The following FBXL17 variants were observed in gnomAD, a reference collection of about 807,000 sequenced individuals.
FBXL17 encodes the protein F-box and leucine rich repeat protein 17.
FBXL17 carries 22 observed loss-of-function variants against 66.2 expected under a neutral mutation model. The ratio of observed to expected loss-of-function variants is 0.33; its 90% CI spans 0.24 to 0.47. The LOEUF is 0.47. Ranked by LOEUF, FBXL17 falls within the 20% of genes least tolerant of loss-of-function variation. The pLI is 1.00. For synonymous variants in FBXL17, 474 were observed against 400.5 expected (o/e 1.18, Z -2.19); for missense variants, 878 against 948.2 (o/e 0.93, Z 0.97).
intron 6 of FBXL17, among the ~76,000 whole-genome samples, chr5:108,146,921 T>A (rs1751583466): frequency 6.6e-6 from 1 of 152,164 alleles, no homozygotes; most frequent in Non-Finnish European, 1.5e-5. Flanking sequence ...TAGAAACTTA[T>A]TTCTCACAGT....
At chr5:108,039,646 A>T (rs1442166466) in intron 6 of FBXL17, among the ~76,000 whole-genome samples, 1 of 152,178 alleles carries the variant, frequency 6.6e-6, no homozygotes, top group Non-Finnish European at 1.5e-5. Flanking sequence ...TAAAATTATC[A>T]GTTTTCATAG....
At chr5:107,876,686 C>A (rs1182795693) in intron 8 of FBXL17, among the ~76,000 whole-genome samples, 1 of 152,174 alleles carries the variant, frequency 6.6e-6, no homozygotes, top group Non-Finnish European at 1.5e-5. Flanking sequence ...CACTGCATTT[C>A]CATTTGCCCT....
chr5:108,158,532 T>C (rs1580531035), intron 6 of FBXL17, among the ~76,000 whole-genome samples: 1 of 151,422 alleles, frequency 6.6e-6, no homozygotes, highest in Non-Finnish European at 1.5e-5. Context: ...TGTGTGTGTG[T>C]GCATCCACAT....
At chr5:108,056,441 T>G (rs1420707116) in intron 6 of FBXL17, among the ~76,000 whole-genome samples, 2 of 152,218 alleles carry the variant, frequency 1.3e-5, no homozygotes, top group Non-Finnish European at 2.9e-5. Context: ...TCCCTTTCTG[T>G]GATTGGTTAT....
At chr5:108,254,655 G>C (rs1379185520) in intron 4 of FBXL17, among the ~76,000 whole-genome samples, 1 of 152,156 alleles carries the variant, frequency 6.6e-6, no homozygotes, top group Non-Finnish European at 1.5e-5. Context: ...TGTATTGCAA[G>C]GATGCTACAA....
rs143752270 is a variant in FBXL17 at position 108,112,752 on chromosome 5, G to A, written c.1745+73365C>T. 3.1e-3 allele frequency among the ~76,000 whole-genome samples: 474 copies of A among 150,988 alleles called. 3 individuals are homozygous for A. Among genetic ancestry groups the A allele is most frequent in the African/African-American group, 0.011 (458 of 41,424 alleles). ...CATGATCAAGAGTGAAATGAAAGTT[G>A]TAAAAAGATCCAAATCAAACTTCTA... On this transcript the variant is annotated intron_variant, in intron 6 of 8. Coordinates refer to ENST00000542267, the MANE Select transcript of FBXL17 (RefSeq NM_001163315.3).
intron 6 of FBXL17, among the ~76,000 whole-genome samples, chr5:108,167,509 A>G (rs972459542): frequency 6.6e-6 from 1 of 152,208 alleles, no homozygotes; most frequent in Non-Finnish European, 1.5e-5. Context: ...AAACAAAAAC[A>G]TAAAGGACTT....
chr5:108,378,849 G>C (rs1749634971), intron 1 of FBXL17, among the ~76,000 whole-genome samples: 1 of 152,176 alleles, frequency 6.6e-6, no homozygotes, highest in South Asian at 2.1e-4. Flanking sequence ...CCAAAAACTG[G>C]GGTTGGCAGA....
rs369447350 is a variant in FBXL17, at chr5:107,873,422, T to C, written c.1965+7615A>G. Among the ~76,000 whole-genome samples the C allele has an allele frequency of 4.6e-5, 7 of 152,178 alleles. No homozygotes were observed. In the East Asian group the frequency reaches 5.8e-4, roughly 13 times the overall value. ...GATATTTCTTGAAAAAATAAACTATTAATAAAATATATGATAAAAATTGGA... is the reference window on the plus strand; with the variant it reads ...GATATTTCTTGAAAAAATAAACTATCAATAAAATATATGATAAAAATTGGA... On this transcript the variant is annotated intron_variant, in intron 8 of 8. Transcript: ENST00000542267.
At chr5:108,322,558 C>A (rs866341898) in intron 4 of FBXL17, among the ~76,000 whole-genome samples, 2 of 151,744 alleles carry the variant, frequency 1.3e-5, no homozygotes, top group Admixed American at 6.6e-5. Context: ...ACATAGAGAG[C>A]AGTGGAGAAG....
intron 6 of FBXL17, among the ~76,000 whole-genome samples, chr5:108,105,353 G>C (rs1561412164): frequency 2.6e-5 from 4 of 152,312 alleles, no homozygotes; most frequent in Non-Finnish European, 5.9e-5. Context: ...GTGAAAGATT[G>C]TAATTGTGTC....
chr5:108,102,241 G>A (rs967900222), intron 6 of FBXL17, among the ~76,000 whole-genome samples: 1 of 152,114 alleles, frequency 6.6e-6, no homozygotes, highest in African/African-American at 2.4e-5. Flanking sequence ...AAGTGACTTA[G>A]CACTATTTTT....
At chr5:107,943,969 A>G (rs1407929340) in intron 7 of FBXL17, among the ~76,000 whole-genome samples, 1 of 152,160 alleles carries the variant, frequency 6.6e-6, no homozygotes, top group Non-Finnish European at 1.5e-5. Context: ...TAAACCCCTG[A>G]TCTTGAAGGT....
chr5:108,352,343 G>C (rs1747706087), intron 3 of FBXL17, among the ~76,000 whole-genome samples: 1 of 152,132 alleles, frequency 6.6e-6, no homozygotes, highest in African/African-American at 2.4e-5. Context: ...TTTACAATTT[G>C]GCTGACAGTC....
chr5:108,364,686 A>C, intron 3 of FBXL17, 52 bp downstream of exon 3: 1 of 1,426,310 alleles, frequency 7.0e-7, no homozygotes, highest in Non-Finnish European at 9.7e-7. Context: ...TGTTGCTAGA[A>C]AACATTTTTA....
intron 7 of FBXL17, among the ~76,000 whole-genome samples, chr5:107,883,021 G>A (rs768287493): frequency 4.6e-5 from 7 of 152,104 alleles, no homozygotes; most frequent in Non-Finnish European, 1.0e-4. Flanking sequence ...CTTTTCTTTT[G>A]ACTTACTACT....
At position 108,154,667 on chromosome 5, in the gene FBXL17, ATATG is replaced by A. The variant is rs1306606790; in HGVS notation, c.1745+31446_1745+31449del. 6.9e-5 allele frequency among the ~76,000 whole-genome samples: 10 copies of A among 144,568 alleles called. No individual in the cohort carries two copies. The East Asian group carries it at 1.8e-3, about 26-fold the overall frequency. The allele number at this position is 144,568 out of a possible 152,430, so 94.8% of individuals were successfully genotyped here. A position where few individuals can be genotyped will look rare whatever the true frequency, so the allele number is the denominator to read the frequency against. On this transcript the variant is annotated intron_variant, in intron 6 of 8. Coordinates refer to ENST00000542267, the MANE Select transcript of FBXL17 (RefSeq NM_001163315.3). ...CACACACATATATGTATATACATATATATGTGTATATATATACACATATATATGT... is the reference window on the plus strand; with the variant it reads ...CACACACATATATGTATATACATATATGTATATATATACACATATATATGT...
chr5:107,945,587 T>A (rs1008743186), intron 7 of FBXL17, among the ~76,000 whole-genome samples: 1 of 152,004 alleles, frequency 6.6e-6, no homozygotes, highest in Non-Finnish European at 1.5e-5. Context: ...AAAAGCATAA[T>A]GCCAAGAAAC....
intron 4 of FBXL17, among the ~76,000 whole-genome samples, chr5:108,284,216 A>G (rs1322510498): frequency 6.6e-6 from 1 of 151,816 alleles, no homozygotes; most frequent in Non-Finnish European, 1.5e-5. Flanking sequence ...ATCAAAAAAG[A>G]TATCTGCATT....
Sources: allele counts gnomAD v4.1 joint callset (sites outside exome capture counted in the v4.1 genomes callset), GRCh38; gene constraint gnomAD v4.1.1; transcripts MANE v1.5; gene names NCBI Gene and HGNC (gene_info 2026-07-23, HGNC 2026-07-21).